Variants in ANKDD1A observed in about 807,000 individuals in gnomAD.
The protein encoded by ANKDD1A is ankyrin repeat and death domain-containing protein 1A.
In ANKDD1A, 59 loss-of-function variants were observed where a neutral mutation model predicts 63.5. The observed-to-expected ratio is 0.93, with a 90% CI of 0.75 to 1.15. The LOEUF is 1.15. Among genes scored for constraint, ANKDD1A ranks in the 50% most tolerant of loss-of-function variants. ANKDD1A has a pLI of 0.00. For synonymous variants in ANKDD1A, 266 were observed against 263.9 expected (o/e 1.01, Z -0.08); for missense variants, 632 against 656.4 (o/e 0.96, Z 0.41).
intron 10 of ANKDD1A, chr15:64,943,183 A>G (rs1176402309): frequency 3.0e-6 from 1 of 336,082 alleles, no homozygotes. Flanking sequence ...TAAATATTTA[A>G]TAATAGGGAA....
intron 3 of ANKDD1A, among the ~76,000 whole-genome samples, chr15:64,920,935 A>G (rs573910037): frequency 6.6e-6 from 1 of 152,284 alleles, no homozygotes; most frequent in Admixed American, 6.5e-5. Flanking sequence ...AAACAGGGAC[A>G]ACGTATTTTT....
chr15:64,932,934 T>C (rs1361811828), intron 8 of ANKDD1A, among the ~76,000 whole-genome samples: 5 of 134,916 alleles, frequency 3.7e-5, no homozygotes, highest in African/African-American at 1.1e-4. Context: ...GGGTGACAGA[T>C]TGAGACCCTG....
intron 7 of ANKDD1A, 95 bp from the exon 8 acceptor site, chr15:64,931,392 G>A (rs2085089644): frequency 1.6e-6 from 2 of 1,224,856 alleles, no homozygotes; most frequent in South Asian, 2.8e-5. Context: ...GGGTCCTGGG[G>A]CCAAGGCACA....
chr15:64,916,158 G>A (rs2084966973), intron 2 of ANKDD1A, among the ~76,000 whole-genome samples: 1 of 152,094 alleles, frequency 6.6e-6, no homozygotes, highest in Admixed American at 6.5e-5. Flanking sequence ...CTTAACTTCT[G>A]GGACCCATCT....
intron 9 of ANKDD1A, among the ~76,000 whole-genome samples, chr15:64,938,866 A>G (rs547490341): frequency 2.6e-5 from 4 of 151,744 alleles, no homozygotes; most frequent in African/African-American, 9.7e-5. Flanking sequence ...AATCACTTCA[A>G]CTCAGGAGGC....
At chr15:64,940,593 C>T (rs530807399) in intron 9 of ANKDD1A, among the ~76,000 whole-genome samples, 69 of 93,206 alleles carry the variant, frequency 7.4e-4, no homozygotes, top group African/African-American at 1.7e-3. Context: ...CCACCAAGCC[C>T]GGCTAATTTT....
At chr15:64,943,894 G>C (rs1046903683) in intron 11 of ANKDD1A, 2 of 386,232 alleles carry the variant, frequency 5.2e-6, no homozygotes, top group East Asian at 1.1e-4. Context: ...GGAAGTAGAC[G>C]AATACCACAG....
In ANKDD1A at chr15:64,919,830, T is replaced by G. The variant is rs547281842; in HGVS notation, c.268-2091T>G. 1.2e-3 allele frequency: 181 copies of G among 152,728 alleles called. 2 individuals carry two copies. Among genetic ancestry groups the G allele is most frequent in the South Asian group, 2.3e-3 (11 of 4,836 alleles). The allele number at this position is 152,728 out of a possible 1,614,324, so 9.5% of individuals were successfully genotyped here. ...TCTGTTCTTTAAAGGCCCTTGGTCC[T>G]CTCCTTGCCTTGGCCCCAGCCTCTG... On this transcript the variant is annotated intron_variant, in intron 3 of 14. Coordinates refer to ENST00000319580, the MANE Select transcript of ANKDD1A (RefSeq NM_182703.6).
Position 64,949,896 on chromosome 15 carries a change from C to T in ANKDD1A, c.1407C>T (p.Gly469=), listed in dbSNP as rs775893225. Residue 469 remains glycine (G), a synonymous_variant, in exon 14 of 15, where the codon GGC becomes GGT. Transcript: ENST00000319580. ...GHRMLLIWLH[G]VATAGENPSK... The stretch of plus-strand genomic sequence containing the variant: ...GAATGCTGCTCATTTGGCTGCATGG[C>T]GTGGCCACGGCTGGTGAGAACCCCA... 3.7e-5 allele frequency: 59 copies of T among 1,606,616 alleles called. No individual in the cohort carries two copies. The highest frequency in any genetic ancestry group is 5.3e-5 in the African/African-American group (4 of 74,916).
At position 64,926,936 on chromosome 15, in the gene ANKDD1A, C is replaced by G. The variant is rs765982673; in HGVS notation, c.507C>G (p.His169Gln). 4.3e-6 allele frequency: 7 copies of G among 1,614,068 alleles called. No homozygotes were observed. Among genetic ancestry groups the G allele is most frequent in the Non-Finnish European group, 5.1e-6 (6 of 1,180,048 alleles). ...CGGCGTTTCACAGGGCAGCTGAGCA[C>G]GGGCAGCTGGATGCTCTGGACTTCC... is the stretch of plus-strand genomic sequence containing the variant. ...GRTAFHRAAE[H>Q]GQLDALDFLV... Residue 169 changes from histidine (H) to glutamine (Q), a missense_variant, in exon 6 of 15, where the codon CAC (histidine) becomes CAG (glutamine). Physicochemically the swap from His to Gln is conservative, Grantham distance 24 (BLOSUM62 0). Transcript: ENST00000319580.
intron 4 of ANKDD1A, 100 bp downstream of exon 4, chr15:64,922,119 G>T (rs2085012356): frequency 6.3e-6 from 6 of 949,340 alleles, no homozygotes; most frequent in Admixed American, 2.6e-5. Context: ...TGCCCCTCCA[G>T]CCCCCAACCT....
At position 64,950,741 on chromosome 15, in the gene ANKDD1A, C is replaced by G. The variant is rs1324200000; in HGVS notation, c.1483+769C>G. The G allele has an allele frequency of 1.9e-4, 171 of 877,456 alleles. 14 individuals carry two copies. The highest frequency in any genetic ancestry group is 6.0e-4 in the East Asian group (4 of 6,688). The allele number at this position is 877,456 out of a possible 1,614,324, so 54.4% of individuals were successfully genotyped here. ...AAAAGAAAGGACCGCCCCCCCCCCC[C>G]CCCCCCCCCATAGCTGCTATAGGCA... On this transcript the variant is annotated intron_variant, in intron 14 of 14. Transcript: ENST00000319580.
chr15:64,931,198 A>G (rs558853071), intron 7 of ANKDD1A, among the ~76,000 whole-genome samples: 70 of 152,252 alleles, frequency 4.6e-4, no homozygotes, highest in African/African-American at 1.6e-3. Context: ...TTGCTGGAGG[A>G]GAAGGAAATA....
At chr15:64,951,312 T>TCTTCTTTTCTTCTC (rs2085268984) in intron 14 of ANKDD1A, 15 of 799,278 alleles carry the variant, frequency 1.9e-5, no homozygotes, top group Non-Finnish European at 2.2e-5. Flanking sequence ...CTTCTCTTCT[T>TCTTCTTTTCTTCTC]CTTCTTTCTT....
chr15:64,953,663 T>TCTTCCTTTTCC (rs1313520379), intron 14 of ANKDD1A, among the ~76,000 whole-genome samples: 5 of 135,440 alleles, frequency 3.7e-5, no homozygotes, highest in African/African-American at 8.5e-5. Flanking sequence ...CTTCTTTTCT[T>TCTTCCTTTTCC]TCTTCTCCTT....
intron 14 of ANKDD1A, among the ~76,000 whole-genome samples, chr15:64,953,485 C>T (rs1217889209): frequency 1.7e-4 from 6 of 34,450 alleles, no homozygotes; most frequent in African/African-American, 4.0e-4. Context: ...CTTCCTTCTC[C>T]TTCTTCTTTA....
chr15:64,949,817 T>C (rs753964269), intron 13 of ANKDD1A, 24 bp from the exon 14 acceptor site: 6 of 1,596,744 alleles, frequency 3.8e-6, no homozygotes, highest in Non-Finnish European at 3.4e-6. Flanking sequence ...TCTCCCTCTC[T>C]CTCTCCTCCC....
chr15:64,930,976 C>T (rs536589473), intron 7 of ANKDD1A, 56 bp downstream of exon 7: 20 of 1,550,962 alleles, frequency 1.3e-5, no homozygotes, highest in Non-Finnish European at 1.6e-5. Context: ...TCTCTGCCTT[C>T]GAGGAACCCC....
At chr15:64,949,763 G>T in intron 13 of ANKDD1A, 78 bp from the exon 14 acceptor site, 1 of 1,565,754 alleles carries the variant, frequency 6.4e-7, no homozygotes, top group South Asian at 1.1e-5. Context: ...GCGGTGCAGG[G>T]TGGCATAGAC....
Sources: allele counts gnomAD v4.1 joint callset (sites outside exome capture counted in the v4.1 genomes callset), GRCh38; gene constraint gnomAD v4.1.1; transcripts MANE v1.5; gene names NCBI Gene and HGNC (gene_info 2026-07-23, HGNC 2026-07-21).